TAFA2: variants seen among roughly 807,000 people sequenced by gnomAD.
The protein encoded by TAFA2 is TAFA chemokine like family member 2.
In TAFA2, 7 loss-of-function variants were observed where a neutral mutation model predicts 18.8. That is an observed-to-expected ratio of 0.37 (90% CI 0.21 to 0.70). The LOEUF (loss-of-function observed/expected upper bound fraction) is 0.70. TAFA2 is among the 30% of genes least tolerant of loss of function. TAFA2 has a pLI of 0.53. For synonymous variants in TAFA2, 60 were observed against 54.2 expected, an observed-to-expected ratio of 1.11 and a Z score of -0.47; for missense variants, 122 against 158.1, an observed-to-expected ratio of 0.77 and a Z score of 1.23.
At position 61,751,336 on chromosome 12, in the gene TAFA2, C is replaced by T. The variant is rs558657951; in HGVS notation, c.384+2286G>A. On this transcript the variant is annotated intron_variant, in intron 4 of 4. Transcript: ENST00000416284. ...CATTTTTGCCTTTCTATTTGGAATGCCATAGTGTTCCTTTGGTTGAAAATG... is the reference window on the plus strand; with the variant it reads ...CATTTTTGCCTTTCTATTTGGAATGTCATAGTGTTCCTTTGGTTGAAAATG... 3.3e-5 allele frequency among the ~76,000 whole-genome samples: 5 copies of T among 152,060 alleles called. No individual in the cohort carries two copies. The South Asian group carries it at 6.2e-4, about 19-fold the overall frequency.
intron 1 of TAFA2, among the ~76,000 whole-genome samples, chr12:62,174,189 G>A (rs1018947859): frequency 4.6e-5 from 7 of 152,064 alleles, no homozygotes; most frequent in Non-Finnish European, 8.8e-5. Context: ...CTACTCACAC[G>A]CCTGTAGTCC....
intron 2 of TAFA2, among the ~76,000 whole-genome samples, chr12:61,780,629 C>G (rs1044275386): frequency 6.6e-6 from 1 of 151,624 alleles, no homozygotes; most frequent in Non-Finnish European, 1.5e-5. Flanking sequence ...CTGTTGCTGT[C>G]TCTGTGGGAG....
At chr12:61,887,319 T>A (rs1875426930) in intron 1 of TAFA2, among the ~76,000 whole-genome samples, 1 of 152,210 alleles carries the variant, frequency 6.6e-6, no homozygotes, top group South Asian at 2.1e-4. Flanking sequence ...ATCTGTTAAA[T>A]GTAGAAAATA....
chr12:62,211,596 G>T (rs1218053422), intron 1 of TAFA2, among the ~76,000 whole-genome samples: 1 of 148,954 alleles, frequency 6.7e-6, no homozygotes, highest in Non-Finnish European at 1.5e-5. Flanking sequence ...AAAAAAAAAG[G>T]TAGAAAAATG....
At chr12:61,798,610 CT>C (rs1871283929) in intron 2 of TAFA2, among the ~76,000 whole-genome samples, 1 of 152,086 alleles carries the variant, frequency 6.6e-6, no homozygotes, top group African/African-American at 2.4e-5. Flanking sequence ...TGTCTATGAA[CT>C]TGGCAACTCT....
chr12:61,955,367 GC>G (rs1878614017), intron 1 of TAFA2, among the ~76,000 whole-genome samples: 1 of 151,438 alleles, frequency 6.6e-6, no homozygotes, highest in South Asian at 2.1e-4. Flanking sequence ...ACTTTGGGAG[GC>G]TGAGGAGGGC....
intron 1 of TAFA2, among the ~76,000 whole-genome samples, chr12:61,941,867 G>A (rs1487180886): frequency 6.6e-6 from 1 of 152,182 alleles, no homozygotes; most frequent in African/African-American, 2.4e-5. Context: ...GCGGCAGCGA[G>A]GCTGGGGGAG....
intron 1 of TAFA2, among the ~76,000 whole-genome samples, chr12:62,094,733 A>G (rs976261565): frequency 6.7e-6 from 1 of 148,950 alleles, no homozygotes; most frequent in Non-Finnish European, 1.5e-5. Flanking sequence ...TTCTATTACT[A>G]GCTTCATTTT....
chr12:61,907,264 A>G (rs1000487033), intron 1 of TAFA2, among the ~76,000 whole-genome samples: 4 of 152,118 alleles, frequency 2.6e-5, no homozygotes, highest in African/African-American at 9.7e-5. Context: ...GAAAAAGATA[A>G]TTCTGTGGGC....
At chr12:61,712,454 T>G (rs1198809841) in intron 4 of TAFA2, among the ~76,000 whole-genome samples, 1 of 152,106 alleles carries the variant, frequency 6.6e-6, no homozygotes, top group Non-Finnish European at 1.5e-5. Flanking sequence ...AAAACAATTT[T>G]TTTCTCCATT....
At chr12:61,778,024 C>A (rs1298582782) in intron 2 of TAFA2, among the ~76,000 whole-genome samples, 1 of 151,646 alleles carries the variant, frequency 6.6e-6, no homozygotes, top group Non-Finnish European at 1.5e-5. Flanking sequence ...CAAATAGACC[C>A]AAACAGGAAA....
At chr12:61,923,999 C>A in intron 1 of TAFA2, among the ~76,000 whole-genome samples, 1 of 147,510 alleles carries the variant, frequency 6.8e-6, no homozygotes, top group African/African-American at 2.5e-5. Flanking sequence ...GATTGAAGAT[C>A]AACATAATGA....
intron 1 of TAFA2, among the ~76,000 whole-genome samples, chr12:62,102,986 G>T (rs74787678): frequency 6.6e-6 from 1 of 152,092 alleles, no homozygotes; most frequent in East Asian, 1.9e-4. Flanking sequence ...TACTAGCCTC[G>T]ACTTCTCTTT....
chr12:61,773,751 C>A (rs1870132807), intron 2 of TAFA2, among the ~76,000 whole-genome samples: 1 of 152,082 alleles, frequency 6.6e-6, no homozygotes, highest in African/African-American at 2.4e-5. Context: ...CATAAAAATT[C>A]TAGAAGAAAA....
At chr12:62,079,600 G>C (rs1307162010) in intron 1 of TAFA2, among the ~76,000 whole-genome samples, 1 of 151,536 alleles carries the variant, frequency 6.6e-6, no homozygotes, top group East Asian at 1.9e-4. Context: ...GGAAGTAGAG[G>C]TTGCAGTAAG....
chr12:61,958,819 C>T (rs1053483615), intron 1 of TAFA2, among the ~76,000 whole-genome samples: 9 of 151,898 alleles, frequency 5.9e-5, no homozygotes, highest in Non-Finnish European at 1.3e-4. Context: ...ATTATTTTTT[C>T]TATATAGGTA....
At chr12:61,811,477 C>T (rs1399434016) in intron 2 of TAFA2, among the ~76,000 whole-genome samples, 1 of 151,232 alleles carries the variant, frequency 6.6e-6, no homozygotes, top group Non-Finnish European at 1.5e-5. Flanking sequence ...TTTTTATTTG[C>T]AAGGCATGAT....
chr12:61,971,205 A>C (rs1265123418), intron 1 of TAFA2, among the ~76,000 whole-genome samples: 1 of 151,684 alleles, frequency 6.6e-6, no homozygotes, highest in Non-Finnish European at 1.5e-5. Context: ...AGAAAATGGA[A>C]ATGTTATCTG....
chr12:62,215,679 A>AAAACTT (rs2062731793), intron 1 of TAFA2, among the ~76,000 whole-genome samples: 1 of 149,850 alleles, frequency 6.7e-6, no homozygotes, highest in Non-Finnish European at 1.5e-5. Context: ...CTTAAGAGGA[A>AAAACTT]GAACTTGTTT....
Sources: gnomAD v4.1 joint callset for allele counts (sites outside exome capture counted in the v4.1 genomes callset) on GRCh38, gnomAD v4.1.1 for gene constraint, MANE v1.5 for transcripts, NCBI Gene and HGNC (gene_info 2026-07-23, HGNC 2026-07-21) for gene names.